Variants in DNAH2 observed in about 807,000 individuals in gnomAD.
The protein encoded by DNAH2 is dynein axonemal heavy chain 2.
In DNAH2, 323 loss-of-function variants were observed where a neutral mutation model predicts 523.5. That is an observed-to-expected ratio of 0.62 (90% confidence interval 0.56 to 0.68). The LOEUF (loss-of-function observed/expected upper bound fraction) is 0.68, where lower values mean the gene tolerates loss of function less well. Ranked by LOEUF, DNAH2 falls within the 30% of genes least tolerant of loss-of-function variation. The pLI is 0.00. For synonymous variants in DNAH2, 2,093 were observed against 2,177.4 expected, an observed-to-expected ratio of 0.96 and a Z score of 1.08; for missense variants, 4,907 against 5,701.5, an observed-to-expected ratio of 0.86 and a Z score of 4.49.
chr17:7,774,685 A>G (rs969165826), intron 28 of DNAH2, 74 bp from the exon 29 acceptor site: 22 of 1,348,196 alleles, frequency 1.6e-5, no homozygotes, highest in Middle Eastern at 1.9e-4. Context: ...GGCAAAGAAC[A>G]CAGAGTTGGG....
chr17:7,833,329 T>C (rs1489708223), intron 85 of DNAH2, 50 bp from the exon 86 acceptor site: 5 of 1,609,654 alleles, frequency 3.1e-6, no homozygotes, highest in South Asian at 2.2e-5. Flanking sequence ...GCTCCTGCCC[T>C]GCTCTCCCGG....
chr17:7,773,113 A>G (rs931910495), intron 28 of DNAH2, among the ~76,000 whole-genome samples: 13 of 152,158 alleles, frequency 8.5e-5, no homozygotes, highest in African/African-American at 2.9e-4. Flanking sequence ...GCCATTTTGT[A>G]CACAAAAAGG....
chr17:7,735,953 A>G (rs2075129863), intron 7 of DNAH2, among the ~76,000 whole-genome samples: 1 of 151,704 alleles, frequency 6.6e-6, no homozygotes, highest in African/African-American at 2.4e-5. Context: ...GAGTTTCATC[A>G]TGTTGGCCAG....
intron 39 of DNAH2, among the ~76,000 whole-genome samples, chr17:7,783,168 C>T (rs1408947856): frequency 2.0e-5 from 3 of 152,166 alleles, no homozygotes; most frequent in African/African-American, 7.2e-5. Context: ...ACCTCCGCCT[C>T]CCAGGTTCAA....
At chr17:7,787,832 T>TG in intron 42 of DNAH2, 28 bp from the exon 43 acceptor site, 2 of 1,577,712 alleles carry the variant, frequency 1.3e-6, no homozygotes, top group Admixed American at 3.5e-5. Context: ...CAGAGAAAGA[T>TG]GAAGTTCTGA....
chr17:7,759,883 C>T lies in DNAH2; in HGVS notation c.2730C>T (p.Leu910=), dbSNP rs1245461348. ...LFSTISVFCH[L]PDILTKRKLH... Reference sequence around the variant, plus strand: ...CCACCATCTCTGTCTTCTGCCACCTCCCTGACATTCTCACCAAGCGCAAGT... The same window carrying T: ...CCACCATCTCTGTCTTCTGCCACCTTCCTGACATTCTCACCAAGCGCAAGT... Residue 910 remains leucine (L), a synonymous_variant, in exon 17 of 86, where the codon CTC becomes CTT. Transcript: ENST00000572933. 3 of 1,614,122 alleles carry T rather than the reference C, an allele frequency of 1.9e-6. No homozygotes were observed. In the Admixed American group the frequency reaches 5.0e-5, roughly 27 times the overall value.
chr17:7,773,055 T>A (rs1457925560), intron 28 of DNAH2, among the ~76,000 whole-genome samples: 3 of 152,218 alleles, frequency 2.0e-5, no homozygotes, highest in African/African-American at 7.2e-5. Context: ...ATTATAGGCA[T>A]GAGCCACCAC....
At chr17:7,789,665 C>T (rs2076842455) in intron 44 of DNAH2, among the ~76,000 whole-genome samples, 1 of 151,996 alleles carries the variant, frequency 6.6e-6, no homozygotes, top group Non-Finnish European at 1.5e-5. Context: ...CAACCTCCGC[C>T]TTGCAGGTTC....
At chr17:7,737,614 G>A (rs1489047017) in intron 8 of DNAH2, among the ~76,000 whole-genome samples, 1 of 152,208 alleles carries the variant, frequency 6.6e-6, no homozygotes, top group Admixed American at 6.5e-5. Flanking sequence ...TTGCAGTGGG[G>A]GAGAGGGGAT....
At chr17:7,734,145 T>TC (rs1295971447) in intron 5 of DNAH2, 38 bp from the exon 6 acceptor site, 1 of 1,540,724 alleles carries the variant, frequency 6.5e-7, no homozygotes, top group South Asian at 1.2e-5. Flanking sequence ...CAAGAACTCA[T>TC]CCCCTCTGTC....
At position 7,823,585 on chromosome 17, in the gene DNAH2, C is replaced by G. The variant is rs770997136; in HGVS notation, c.11286C>G (p.His3762Gln). Reference protein sequence around the residue: ...NSFEQYPRDWHLWYTNAAPEK... With the variant: ...NSFEQYPRDWQLWYTNAAPEK... ...TTGAGCAGTACCCTCGTGACTGGCA[C>G]CTGTGGTATACCAATGCTGCCCCGG... The change falls in exon 74 of 86, where the codon CAC becomes CAG. Residue 3762 changes from histidine to glutamine, a missense_variant. Transcript: ENST00000572933. The G allele has an allele frequency of 2.0e-5, 33 of 1,614,158 alleles. No homozygotes were observed. Among genetic ancestry groups the G allele is most frequent in the Non-Finnish European group, 2.7e-5 (32 of 1,180,024 alleles).
intron 28 of DNAH2, among the ~76,000 whole-genome samples, chr17:7,771,919 G>T (rs1381941566): frequency 6.6e-6 from 1 of 152,050 alleles, no homozygotes; most frequent in Non-Finnish European, 1.5e-5. Flanking sequence ...GTTTCACCAA[G>T]TTGGCCAGGC....
intron 27 of DNAH2, 51 bp downstream of exon 27, chr17:7,770,984 T>C: frequency 6.3e-7 from 1 of 1,586,610 alleles, no homozygotes; most frequent in Non-Finnish European, 8.6e-7. Context: ...TACTCCTTCT[T>C]TTTCTTAAGA....
In DNAH2 at chr17:7,791,810, G is replaced by C. The variant is rs1042156849; in HGVS notation, c.6901-107G>C. 4.6e-6 allele frequency: 5 copies of C among 1,089,890 alleles called. No individual in the cohort carries two copies. The African/African-American group carries it at 8.0e-5, about 17-fold the overall frequency. The allele number at this position is 1,089,890 out of a possible 1,614,324, so 67.5% of individuals were successfully genotyped here. A position where few individuals can be genotyped will look rare whatever the true frequency, so the allele number is the denominator to read the frequency against. On this transcript the variant is annotated intron_variant, in intron 44 of 85. Coordinates refer to ENST00000572933, the MANE Select transcript of DNAH2 (RefSeq NM_020877.5). ...CTGTGCGATTTTCCAAATAGAGCCA[G>C]GGAAGGAGGAAGACCCAGGCTTTCC... is the stretch of plus-strand genomic sequence containing the variant.
At chr17:7,796,797 T>A in intron 50 of DNAH2, 145 bp downstream of exon 50, 1 of 986,614 alleles carries the variant, frequency 1.0e-6, no homozygotes, top group Non-Finnish European at 1.4e-6. Flanking sequence ...GCCTTACCTT[T>A]AAAACTTCTG....
intron 49 of DNAH2, among the ~76,000 whole-genome samples, chr17:7,795,275 A>G (rs1344175141): frequency 6.6e-6 from 1 of 152,168 alleles, no homozygotes; most frequent in South Asian, 2.1e-4. Flanking sequence ...GCTAAGCCAT[A>G]TTGGAGCCTA....
chr17:7,803,888 C>T (rs752086158), intron 58 of DNAH2, among the ~76,000 whole-genome samples: 1 of 152,166 alleles, frequency 6.6e-6, no homozygotes, highest in Non-Finnish European at 1.5e-5. Context: ...GGAAAAAAAA[C>T]CAGGCTGGAG....
Position 7,719,817 on chromosome 17 carries a change from C to G in DNAH2, c.83C>G (p.Ala28Gly). The G allele has an allele frequency of 6.2e-7, 1 of 1,612,548 alleles. No individual in the cohort carries two copies. Among genetic ancestry groups the G allele is most frequent in the Non-Finnish European group, 8.5e-7 (1 of 1,179,298 alleles). ...QASWSGRATR[A>G]AVATQEQGNA... ...AGCTGGTCAGGGCGGGCCACTCGGG[C>G]TGCTGTGGCCACACAGGAGCAGGGG... Residue 28 changes from alanine (A) to glycine (G), a missense_variant, in exon 2 of 86, where the codon GCT becomes GGT. Around this residue, in one of 3 missense-constraint regions of DNAH2, gnomAD observed 2,806 missense variants for 3,190.8 expected, o/e 0.88. Coordinates refer to ENST00000572933, the MANE Select transcript of DNAH2 (RefSeq NM_020877.5).
chr17:7,775,076 A>G, intron 29 of DNAH2, 100 bp downstream of exon 29: 3 of 1,278,132 alleles, frequency 2.3e-6, no homozygotes, highest in South Asian at 1.3e-5. Context: ...AAGGAGGGCC[A>G]TGTTAATTAA....
Sources: allele counts gnomAD v4.1 joint callset (sites outside exome capture counted in the v4.1 genomes callset), GRCh38; gene constraint gnomAD v4.1.1; regional missense constraint gnomAD v4.1.1; transcripts MANE v1.5; gene names NCBI Gene and HGNC (gene_info 2026-07-23, HGNC 2026-07-21).